Variants in SETD1B observed in about 807,000 individuals in gnomAD.
The protein encoded by SETD1B is histone-lysine N-methyltransferase SETD1B.
In SETD1B, 7 loss-of-function variants were observed where a neutral mutation model predicts 148.0. The ratio of observed to expected loss-of-function variants is 0.05; its 90% CI spans 0.03 to 0.09. The LOEUF (loss-of-function observed/expected upper bound fraction) is 0.09. SETD1B is among the 10% of genes least tolerant of loss of function. The probability of loss-of-function intolerance (pLI) is 1.00; values close to 1 mark genes in which losing one functional copy is unlikely to be tolerated. For missense variants in SETD1B, 2,155 were observed against 2,729.9 expected, an observed-to-expected ratio of 0.79 and a Z score of 4.69; for synonymous variants, 1,361 against 1,186.5, an observed-to-expected ratio of 1.15 and a Z score of -3.02.
upstream of SETD1B, chr12:121,801,273 AT>A (rs1875347793): frequency 6.6e-6 from 1 of 152,188 alleles, no homozygotes; most frequent in Non-Finnish European, 1.5e-5. Flanking sequence ...AAGCACTTCA[AT>A]TTCTTCTCCC....
At position 121,814,328 on chromosome 12, in the gene SETD1B, A is replaced by C. The variant is rs1876178164; in HGVS notation, c.2113A>C (p.Met705Leu). 28 of 549,544 alleles carry C rather than the reference A, an allele frequency of 5.1e-5. No homozygotes were observed. Among genetic ancestry groups the C allele is most frequent in the East Asian group, 1.4e-4 (1 of 7,222 alleles). 34.0% of individuals were successfully genotyped at this position (549,544 alleles called of 1,614,324 possible). A position where few individuals can be genotyped will look rare whatever the true frequency, so the allele number is the denominator to read the frequency against. ...PPPPPQPGFP[M>L]PPPLPPPPPP... Reference sequence around the variant, plus strand: ...ACCCCCACCGCAGCCTGGCTTCCCCATGCCCCCACCGCTGCCCCCACCGCC... The same window carrying C: ...ACCCCCACCGCAGCCTGGCTTCCCCCTGCCCCCACCGCTGCCCCCACCGCC... Residue 705 changes from methionine (M) to leucine (L), a missense_variant, in exon 7 of 17, where the codon ATG becomes CTG. Met to Leu is a conservative substitution (Grantham distance 15). This residue lies in a region of SETD1B where 295 missense variants were observed against 303.8 expected (regional missense o/e 0.97). Transcript: ENST00000604567.
rs1457379346 is a variant in SETD1B at position 121,817,412 on chromosome 12, G to C, written c.3020G>C (p.Cys1007Ser). 6.5e-7 allele frequency: 1 copy of C among 1,535,516 alleles called. No homozygotes were observed. The highest frequency in any genetic ancestry group is 1.4e-5 in the African/African-American group (1 of 72,768). The change falls in exon 9 of 17, where the codon TGT becomes TCT. Residue 1007 changes from cysteine to serine, a missense_variant. By Grantham distance (112) the Cys-to-Ser change is moderately radical. Transcript: ENST00000604567. The surrounding 1 kb of genome is among the most constrained non-coding windows in gnomAD (Gnocchi z 8.1). ...GACCGGGATATGGCAGACACCCCCT[G>C]TGAGCTCGCCAAGCGGGACCCCAAG... ...ERDRDMADTPCELAKRDPKGV... is the reference protein window; with the variant it reads ...ERDRDMADTPSELAKRDPKGV...
intron 16 of SETD1B, among the ~76,000 whole-genome samples, chr12:121,829,592 T>A (rs1020109122): frequency 3.3e-5 from 5 of 152,196 alleles, no homozygotes; most frequent in African/African-American, 1.2e-4. Context: ...AAGGGCCAGA[T>A]AATAAATGTT....
rs766893328 is a variant in SETD1B, at chr12:121,817,823, G to T, written c.3337G>T (p.Asp1113Tyr). 2 of 1,550,980 alleles carry T rather than the reference G, an allele frequency of 1.3e-6. No homozygotes were observed. Among genetic ancestry groups the T allele is most frequent in the South Asian group, 2.4e-5 (2 of 83,934 alleles). ...DKDDDDDDSD[D>Y]RDESENDDED... Reference sequence around the variant, plus strand: ...GGATGACGACGATGACGACAGTGATGACCGGGACGAGTCTGAGAACGATGA... The same window carrying T: ...GGATGACGACGATGACGACAGTGATTACCGGGACGAGTCTGAGAACGATGA... The change falls in exon 10 of 17, where the codon GAC becomes TAC. Residue 1113 changes from aspartate to tyrosine, a missense_variant. Around this residue, in one of 11 missense-constraint regions of SETD1B, gnomAD observed 862 missense variants for 873.8 expected, o/e 0.99. Transcript: ENST00000604567. The surrounding 1 kb of genome is among the most constrained non-coding windows in gnomAD (Gnocchi z 8.1).
At chr12:121,809,397 T>C (rs74665481) in intron 5 of SETD1B, among the ~76,000 whole-genome samples, 123 of 152,346 alleles carry the variant, frequency 8.1e-4, no homozygotes, top group Non-Finnish European at 1.5e-3. Flanking sequence ...CAAGGTTCCC[T>C]GAACATATTT....
rs1378998130 is a variant in SETD1B at position 121,809,697 on chromosome 12, C to T, written c.752C>T (p.Pro251Leu). 2 of 1,551,614 alleles carry T rather than the reference C, an allele frequency of 1.3e-6. No individual in the cohort carries two copies. Among genetic ancestry groups the T allele is most frequent in the Middle Eastern group, 1.7e-4 (1 of 5,992 alleles). ...GTCACCCCCAATAGCGGTGGGACACCCTTCTCCCAGGACACAGCTTATTCC... is the reference window on the plus strand; with the variant it reads ...GTCACCCCCAATAGCGGTGGGACACTCTTCTCCCAGGACACAGCTTATTCC... Reference protein sequence around the residue: ...SSVTPNSGGTPFSQDTAYSSC... With the variant: ...SSVTPNSGGTLFSQDTAYSSC... The change falls in exon 6 of 17, where the codon CCC (proline) becomes CTC (leucine). Residue 251 changes from proline (P) to leucine (L), a missense_variant. This residue lies in a region of SETD1B where 376 missense variants were observed against 385.0 expected (regional missense o/e 0.98). Coordinates refer to ENST00000604567, the MANE Select transcript of SETD1B (RefSeq NM_001353345.2).
Position 121,830,326 on chromosome 12 carries a change from G to C in SETD1B, c.*87G>C, listed in dbSNP as rs545213878. 2.3e-6 allele frequency: 3 copies of C among 1,328,152 alleles called. No homozygotes were observed. The highest frequency in any genetic ancestry group is 5.3e-4 in the Middle Eastern group (2 of 3,772). The allele number at this position is 1,328,152 out of a possible 1,614,324, so 82.3% of individuals were successfully genotyped here. A position where few individuals can be genotyped will look rare whatever the true frequency, so the allele number is the denominator to read the frequency against. The stretch of plus-strand genomic sequence containing the variant: ...CTGGCCCCGGGGCCCGGCCCCCCGC[G>C]CCCGCCCCCATTTCAGGTGCTGTCC... On this transcript the variant is annotated 3_prime_UTR_variant, in exon 17 of 17. Coordinates refer to ENST00000604567, the MANE Select transcript of SETD1B (RefSeq NM_001353345.2). The surrounding 1 kb of genome is among the most constrained non-coding windows in gnomAD (Gnocchi z 5.7).
In SETD1B at chr12:121,819,552, A is replaced by G. The variant is rs1390372861; in HGVS notation, c.3567A>G (p.Glu1189=). The G allele has an allele frequency of 1.3e-6, 2 of 1,552,062 alleles. No homozygotes were observed. Among genetic ancestry groups the G allele is most frequent in the South Asian group, 1.2e-5 (1 of 84,056 alleles). The stretch of plus-strand genomic sequence containing the variant: ...TAGTGGCCAGGGAAGAGGAGGAAGA[A>G]GAGGAGGAGGAGGAGATGGTGGCCG... ...EEVVAREEEE[E]EEEEEMVAEE... Residue 1189 remains glutamate (E), a synonymous_variant, in exon 11 of 17, where the codon GAA becomes GAG. Coordinates refer to ENST00000604567, the MANE Select transcript of SETD1B (RefSeq NM_001353345.2).
chr12:121,806,365 C>T (rs1255275336), intron 4 of SETD1B, among the ~76,000 whole-genome samples: 1 of 152,158 alleles, frequency 6.6e-6, no homozygotes, highest in East Asian at 1.9e-4. Context: ...GCTTCCCCAC[C>T]GCTGACACCC....
Position 121,819,908 on chromosome 12 carries a change from A to G in SETD1B, c.3910+13A>G. The G allele has an allele frequency of 6.5e-7, 1 of 1,544,560 alleles. No homozygotes were observed. The highest frequency in any genetic ancestry group is 8.7e-7 in the Non-Finnish European group (1 of 1,144,164). Reference sequence around the variant, plus strand: ...GAGCGAGCTCCAGGTAACACCTGCAACCCCCTGGGAGGGTGGTGGGAGGGA... The same window carrying G: ...GAGCGAGCTCCAGGTAACACCTGCAGCCCCCTGGGAGGGTGGTGGGAGGGA... On this transcript the variant is annotated intron_variant, in intron 11 of 16. Transcript: ENST00000604567.
At position 121,819,593 on chromosome 12, in the gene SETD1B, C is replaced by T; in HGVS notation, c.3608C>T (p.Ser1203Phe). 5 of 1,552,254 alleles carry T rather than the reference C, an allele frequency of 3.2e-6. No homozygotes were observed. The highest frequency in any genetic ancestry group is 4.4e-6 in the Non-Finnish European group (5 of 1,147,188). ...EEMVAEESMA[S>F]AGPEDFEQDG... is the part of the protein sequence containing the mutation. ...ATGGTGGCCGAGGAAAGCATGGCTT[C>T]TGCAGGCCCTGAGGACTTTGAGCAG... The change falls in exon 11 of 17, where the codon TCT becomes TTT. Residue 1203 changes from serine to phenylalanine, a missense_variant. Transcript: ENST00000604567.
At chr12:121,793,227 A>G in the SETD1B span, 8 of 1,550,814 alleles carry the variant, frequency 5.2e-6, no homozygotes, top group Non-Finnish European at 7.0e-6. Flanking sequence ...TCGAACACCG[A>G]TGGGGCGTAG....
rs1461479651 is a variant in SETD1B at position 121,822,380 on chromosome 12, C to T, written c.3911-110C>T. ...GGTTTAGCTGGAGAAGGACAGGTCCCGTGCTCAGACTCAGGGCTGTGAGCC... is the reference window on the plus strand; with the variant it reads ...GGTTTAGCTGGAGAAGGACAGGTCCTGTGCTCAGACTCAGGGCTGTGAGCC... On this transcript the variant is annotated intron_variant, in intron 11 of 16. Transcript: ENST00000604567. 18 of 1,311,608 alleles carry T rather than the reference C, an allele frequency of 1.4e-5. No homozygotes were observed. The Admixed American group carries it at 2.4e-4, about 18-fold the overall frequency. 81.2% of individuals were successfully genotyped at this position (1,311,608 alleles called of 1,614,324 possible).
In SETD1B at chr12:121,809,619, A is replaced by G. The variant is rs1023194930; in HGVS notation, c.674A>G (p.Lys225Arg). ...NETLQLSDAL[K>R]RLKDGGLSAG... ...TCTCCTTAGCTGTCAGATGCCCTGA[A>G]GCGCCTCAAGGATGGAGGCCTGTCT... The change falls in exon 6 of 17, where the codon AAG (lysine) becomes AGG (arginine). Residue 225 changes from lysine to arginine, a missense_variant. Lys to Arg is a conservative substitution (Grantham distance 26, BLOSUM62 2). Around this residue, in one of 11 missense-constraint regions of SETD1B, gnomAD observed 124 missense variants for 282.9 expected, o/e 0.44. Coordinates refer to ENST00000604567, the MANE Select transcript of SETD1B (RefSeq NM_001353345.2). The G allele has an allele frequency of 3.2e-6, 5 of 1,549,462 alleles. No individual in the cohort carries two copies. Among genetic ancestry groups the G allele is most frequent in the African/African-American group, 1.4e-5 (1 of 73,104 alleles).
chr12:121,815,845 G>A (rs969163844), intron 7 of SETD1B, among the ~76,000 whole-genome samples: 5 of 113,074 alleles, frequency 4.4e-5, no homozygotes, highest in African/African-American at 1.4e-4. Context: ...TTTTTTTTTC[G>A]GAGATGGAGT....
rs1460148155 is a variant in SETD1B, at chr12:121,805,724, C to G, written c.274-111C>G. On this transcript the variant is annotated intron_variant, in intron 3 of 16. Transcript: ENST00000604567. The surrounding 1 kb of genome is among the most constrained non-coding windows in gnomAD (Gnocchi z 4.2). ...TTTTTTTAATTTTTAGTTTTTTTAC[C>G]CTTTATTGTTTTCAACGGGTGGGCG... 6 of 1,045,632 alleles carry G rather than the reference C, an allele frequency of 5.7e-6. No individual in the cohort carries two copies. In the Admixed American group the frequency reaches 1.9e-4, roughly 34 times the overall value. 64.8% of individuals were successfully genotyped at this position (1,045,632 alleles called of 1,614,324 possible). A position where few individuals can be genotyped will look rare whatever the true frequency, so the allele number is the denominator to read the frequency against.
At position 121,817,265 on chromosome 12, in the gene SETD1B, C is replaced by T; in HGVS notation, c.2948C>T (p.Pro983Leu). ...TSSGDQKRLR[P>L]STSVDEEDEE... ...TCTGGCGACCAGAAGCGGCTGCGGC[C>T]CTCGACCTCTGTGGATGAGGAAGAT... Residue 983 changes from proline (P) to leucine (L), a missense_variant, in exon 8 of 17, where the codon CCC (proline) becomes CTC (leucine). Pro to Leu is a moderately conservative substitution (Grantham distance 98). This residue lies in a region of SETD1B where 289 missense variants were observed against 423.7 expected (regional missense o/e 0.68). Transcript: ENST00000604567. The surrounding 1 kb of genome is among the most constrained non-coding windows in gnomAD (Gnocchi z 8.1). 1.3e-6 allele frequency: 2 copies of T among 1,550,902 alleles called. No individual in the cohort carries two copies. Among genetic ancestry groups the T allele is most frequent in the South Asian group, 1.2e-5 (1 of 84,054 alleles).
Position 121,804,778 on chromosome 12 carries a change from C to T in SETD1B, c.41C>T (p.Pro14Leu). ...CCCCCCCACCACCACCACCAGCAGCCCCCGCCGCAGCCCGGCCCTTCGGGC... is the reference window on the plus strand; with the variant it reads ...CCCCCCCACCACCACCACCAGCAGCTCCCGCCGCAGCCCGGCCCTTCGGGC... ...SHPPHHHHQQPPPQPGPSGER... is the reference protein window; with the variant it reads ...SHPPHHHHQQLPPQPGPSGER... The change falls in exon 2 of 17, where the codon CCC (proline) becomes CTC (leucine). Residue 14 changes from proline (P) to leucine (L), a missense_variant. This residue lies in a region of SETD1B where 36 missense variants were observed against 23.5 expected (regional missense o/e 1.53). Coordinates refer to ENST00000604567, the MANE Select transcript of SETD1B (RefSeq NM_001353345.2). The surrounding 1 kb of genome is among the most constrained non-coding windows in gnomAD (Gnocchi z 4.6). The T allele has an allele frequency of 6.4e-7, 1 of 1,550,890 alleles. No individual in the cohort carries two copies. Among genetic ancestry groups the T allele is most frequent in the Non-Finnish European group, 8.7e-7 (1 of 1,146,770 alleles).
At chr12:121,797,981 C>A in the SETD1B span, 3 of 214,222 alleles carry the variant, frequency 1.4e-5, no homozygotes, top group Admixed American at 1.6e-4. Flanking sequence ...GATTGAAGAC[C>A]CAGCCCTGGC....
Sources: allele counts gnomAD v4.1 joint callset (sites outside exome capture counted in the v4.1 genomes callset), GRCh38; gene constraint gnomAD v4.1.1; regional missense constraint gnomAD v4.1.1; non-coding constraint Gnocchi (gnomAD v3.1); transcripts MANE v1.5; gene names NCBI Gene and HGNC (gene_info 2026-07-23, HGNC 2026-07-21).